The following SLC2A13 variants were observed in gnomAD, a reference collection of about 807,000 sequenced individuals.
The protein encoded by SLC2A13 is proton myo-inositol cotransporter.
SLC2A13 carries 32 observed loss-of-function variants against 64.4 expected under a neutral mutation model. That is an observed-to-expected ratio of 0.50 (90% CI 0.37 to 0.67). The LOEUF (loss-of-function observed/expected upper bound fraction) is 0.67. Ranked by LOEUF, SLC2A13 falls within the 30% of genes least tolerant of loss-of-function variation. The pLI is 0.00. For missense variants in SLC2A13, 743 were observed against 829.2 expected (o/e 0.90, Z 1.28); for synonymous variants, 338 against 327.1 (o/e 1.03, Z -0.36).
intron 7 of SLC2A13, among the ~76,000 whole-genome samples, chr12:39,817,321 G>A (rs1014773294): frequency 3.3e-5 from 5 of 152,166 alleles, no homozygotes; most frequent in Non-Finnish European, 5.9e-5. Flanking sequence ...CATTAGACAA[G>A]GTTACACTGC....
intron 6 of SLC2A13, among the ~76,000 whole-genome samples, chr12:39,838,349 G>T (rs1261193209): frequency 5.4e-5 from 6 of 111,804 alleles, no homozygotes; most frequent in Middle Eastern, 4.8e-3. Flanking sequence ...GGTGGGGTGG[G>T]GGGAGGGGGG....
chr12:39,798,567 T>C (rs1226109470), intron 7 of SLC2A13, among the ~76,000 whole-genome samples: 1 of 152,214 alleles, frequency 6.6e-6, no homozygotes, highest in African/African-American at 2.4e-5. Flanking sequence ...TTCAACTGTT[T>C]CTAACTGTAA....
chr12:39,768,510 C>T (rs773469996), intron 7 of SLC2A13, among the ~76,000 whole-genome samples: 3 of 152,042 alleles, frequency 2.0e-5, no homozygotes, highest in Non-Finnish European at 4.4e-5. Context: ...AAGTGAGAGT[C>T]GTGCTACTAT....
intron 4 of SLC2A13, among the ~76,000 whole-genome samples, chr12:39,873,683 A>G (rs1944113723): frequency 6.6e-6 from 1 of 152,238 alleles, no homozygotes; most frequent in South Asian, 2.1e-4. Context: ...TTCATTTTCA[A>G]TAAAATAAAA....
chr12:39,798,597 A>AGCAG (rs1941662325), intron 7 of SLC2A13, among the ~76,000 whole-genome samples: 1 of 152,234 alleles, frequency 6.6e-6, no homozygotes, highest in Non-Finnish European at 1.5e-5. Context: ...TTCTGTCCTG[A>AGCAG]GCAGGCCCTC....
In SLC2A13 at chr12:39,830,139, A is replaced by G. The variant is rs1410788809; in HGVS notation, c.1409T>C (p.Val470Ala). The G allele has an allele frequency of 1.2e-6, 2 of 1,613,640 alleles. No homozygotes were observed. Among genetic ancestry groups the G allele is most frequent in the East Asian group, 2.2e-5 (1 of 44,888 alleles). The stretch of plus-strand genomic sequence containing the variant: ...TGCCTCATTTGTAGATGCTTTATTA[A>G]CTGGAACACAGGAGGAGTCAATGAC... ...STVIDSSCVP[V>A]NKASTNEAAW... Residue 470 changes from valine to alanine, a missense_variant, in exon 7 of 10, where the codon GTT becomes GCT. Coordinates refer to ENST00000280871, the MANE Select transcript of SLC2A13 (RefSeq NM_052885.4).
chr12:40,059,798 G>C (rs1296714121), intron 1 of SLC2A13, among the ~76,000 whole-genome samples: 1 of 152,138 alleles, frequency 6.6e-6, no homozygotes, highest in African/African-American at 2.4e-5. Flanking sequence ...ACCCAGAAAG[G>C]CCTGTTAGAT....
At chr12:40,071,962 T>C (rs993414058) in intron 1 of SLC2A13, among the ~76,000 whole-genome samples, 1 of 152,086 alleles carries the variant, frequency 6.6e-6, no homozygotes, top group African/African-American at 2.4e-5. Context: ...TCTGCCTACC[T>C]TGGATTTAAT....
At chr12:39,994,766 G>A (rs1015346388) in intron 3 of SLC2A13, among the ~76,000 whole-genome samples, 8 of 152,156 alleles carry the variant, frequency 5.3e-5, no homozygotes, top group African/African-American at 1.9e-4. Context: ...TCTGGAAATC[G>A]CTTCCTCATC....
intron 4 of SLC2A13, chr12:39,950,782 A>G (rs1235727698): frequency 6.5e-6 from 1 of 154,182 alleles, no homozygotes; most frequent in Non-Finnish European, 1.4e-5. Context: ...TTCCCACTCA[A>G]TCTCCCCTCT....
chr12:40,027,497 A>G (rs972995667), intron 3 of SLC2A13, among the ~76,000 whole-genome samples: 1 of 152,218 alleles, frequency 6.6e-6, no homozygotes, highest in Non-Finnish European at 1.5e-5. Context: ...GAAGGCAACA[A>G]TGGTCAGCTC....
intron 3 of SLC2A13, among the ~76,000 whole-genome samples, chr12:39,993,981 G>A (rs1947181939): frequency 6.6e-6 from 1 of 152,086 alleles, no homozygotes; most frequent in Admixed American, 6.6e-5. Flanking sequence ...TCATCATTTA[G>A]CTTTAAGAAA....
intron 3 of SLC2A13, among the ~76,000 whole-genome samples, chr12:39,968,760 G>GTATATA (rs56838055): frequency 4.3e-4 from 26 of 59,838 alleles, no homozygotes; most frequent in South Asian, 8.6e-4. Flanking sequence ...TTTTTTTTTG[G>GTATATA]TATATATATA....
chr12:39,898,137 T>C (rs1404503102), intron 4 of SLC2A13, among the ~76,000 whole-genome samples: 1 of 152,200 alleles, frequency 6.6e-6, no homozygotes, highest in Non-Finnish European at 1.5e-5. Context: ...AACATACATG[T>C]ACAGCTTTCC....
chr12:40,097,997 A>G (rs1939009254), intron 1 of SLC2A13, among the ~76,000 whole-genome samples: 1 of 151,922 alleles, frequency 6.6e-6, no homozygotes, highest in African/African-American at 2.4e-5. Flanking sequence ...AGACGAATGG[A>G]TAGATTAAAT....
At chr12:40,077,427 G>A (rs1365209434) in intron 1 of SLC2A13, among the ~76,000 whole-genome samples, 1 of 152,100 alleles carries the variant, frequency 6.6e-6, no homozygotes, top group African/African-American at 2.4e-5. Context: ...CCCATTGCTT[G>A]TTATTGTCGA....
intron 6 of SLC2A13, among the ~76,000 whole-genome samples, chr12:39,864,395 A>T (rs986499301): frequency 5.3e-5 from 8 of 152,200 alleles, no homozygotes; most frequent in African/African-American, 1.9e-4. Context: ...TAAAAGTTTG[A>T]TTACTGATTA....
chr12:39,813,259 G>T (rs1566820400), intron 7 of SLC2A13, among the ~76,000 whole-genome samples: 1 of 151,350 alleles, frequency 6.6e-6, no homozygotes, highest in Non-Finnish European at 1.5e-5. Flanking sequence ...AAATACTTTT[G>T]TCTTTGATCT....
chr12:39,844,084 TA>T, intron 6 of SLC2A13, among the ~76,000 whole-genome samples: 1 of 152,042 alleles, frequency 6.6e-6, no homozygotes, highest in East Asian at 1.9e-4. Context: ...CTCCTTTACA[TA>T]AGCCTTACTT....
Sources: gnomAD v4.1 joint callset for allele counts (sites outside exome capture counted in the v4.1 genomes callset) on GRCh38, gnomAD v4.1.1 for gene constraint, MANE v1.5 for transcripts, NCBI Gene and HGNC (gene_info 2026-07-23, HGNC 2026-07-21) for gene names.